L3MBTL4: variants seen among roughly 807,000 people sequenced by gnomAD.
L3MBTL4 encodes lethal(3)malignant brain tumor-like protein 4.
Under a neutral mutation model 84.5 loss-of-function variants are expected in L3MBTL4, and 70 were observed. That is an observed-to-expected ratio of 0.83 (90% CI 0.68 to 1.01). L3MBTL4 has a LOEUF of 1.01. L3MBTL4 is among the 50% of genes least tolerant of loss of function. L3MBTL4 has a pLI of 0.00. For missense variants in L3MBTL4, 715 were observed against 754.8 expected (o/e 0.95, Z 0.62); for synonymous variants, 274 against 259.8 (o/e 1.05, Z -0.52).
At chr18:5,987,192 G>T (rs1358378807) in intron 16 of L3MBTL4, among the ~76,000 whole-genome samples, 1 of 152,160 alleles carries the variant, frequency 6.6e-6, no homozygotes, top group Non-Finnish European at 1.5e-5. Flanking sequence ...CCCCCATTTT[G>T]TTCCCTTCTT....
At position 6,364,057 on chromosome 18, in the gene L3MBTL4, C is replaced by G. The variant is rs187571250; in HGVS notation, c.-91+50744G>C. Among the ~76,000 whole-genome samples the G allele has an allele frequency of 2.3e-3, 343 of 152,280 alleles. 5 individuals are homozygous for G. The highest frequency in any genetic ancestry group is 7.8e-3 in the African/African-American group (324 of 41,560). ...ATTTTTAAGGGGTCCTCGACATCCT[C>G]TCTTTTTGGTCCTTGTATCTACGCG... On this transcript the variant is annotated intron_variant, in intron 1 of 18. Transcript: ENST00000317931.
chr18:6,135,158 T>C (rs2059994206), intron 14 of L3MBTL4, among the ~76,000 whole-genome samples: 1 of 152,172 alleles, frequency 6.6e-6, no homozygotes, highest in African/African-American at 2.4e-5. Context: ...TGTTGGCCCC[T>C]TTCAGCCACA....
chr18:6,211,973 T>C (rs1267326539), intron 12 of L3MBTL4, among the ~76,000 whole-genome samples: 2 of 152,144 alleles, frequency 1.3e-5, no homozygotes, highest in African/African-American at 4.8e-5. Flanking sequence ...AAGTTAATAA[T>C]AAAATGTCAC....
chr18:6,071,753 GAAAGAA>G (rs2057632821), intron 16 of L3MBTL4, among the ~76,000 whole-genome samples: 1 of 61,778 alleles, frequency 1.6e-5, no homozygotes, highest in Non-Finnish European at 3.8e-5. Flanking sequence ...AGGAAAGAAA[GAAAGAA>G]AAAAAGAAAG....
At chr18:5,969,274 C>T (rs1408192590) in intron 17 of L3MBTL4, 119 bp downstream of exon 17, 22 of 1,087,104 alleles carry the variant, frequency 2.0e-5, no homozygotes, top group Admixed American at 9.6e-5. Context: ...ATGGCAGATG[C>T]GATGCCTAAG....
At position 6,264,070 on chromosome 18, in the gene L3MBTL4, A is replaced by T. The variant is rs1445391275; in HGVS notation, c.128-32T>A. On this transcript the variant is annotated intron_variant, in intron 4 of 18. Coordinates refer to ENST00000317931, the MANE Select transcript of L3MBTL4 (RefSeq NM_001330559.2). The stretch of plus-strand genomic sequence containing the variant: ...GAGAAAACACAATGACTTTTCTCAA[A>T]ATGATTAGTGACAGGAAAATAATAA... The T allele has an allele frequency of 4.2e-6, 6 of 1,443,090 alleles. No individual in the cohort carries two copies. The Middle Eastern group carries it at 5.3e-4, about 126-fold the overall frequency. The allele number at this position is 1,443,090 out of a possible 1,614,324, so 89.4% of individuals were successfully genotyped here.
chr18:5,959,862 C>T (rs574776733), intron 18 of L3MBTL4, among the ~76,000 whole-genome samples: 6 of 151,982 alleles, frequency 3.9e-5, no homozygotes, highest in Admixed American at 2.0e-4. Flanking sequence ...GGACTGAAGG[C>T]GGAGACTGAC....
intron 12 of L3MBTL4, among the ~76,000 whole-genome samples, chr18:6,182,635 A>T (rs1039311329): frequency 7.9e-5 from 12 of 152,250 alleles, no homozygotes; most frequent in Non-Finnish European, 1.3e-4. Flanking sequence ...ACGGAATAGT[A>T]TTTCCTAGGT....
chr18:6,104,179 T>G (rs1055517563), intron 14 of L3MBTL4, among the ~76,000 whole-genome samples: 1 of 152,014 alleles, frequency 6.6e-6, no homozygotes, highest in African/African-American at 2.4e-5. Context: ...TAGAGGTTCC[T>G]AAAAAAATTA....
At chr18:6,238,065 C>T (rs369500217) in intron 9 of L3MBTL4, 25 bp from the exon 10 acceptor site, 39 of 1,601,402 alleles carry the variant, frequency 2.4e-5, no homozygotes, top group South Asian at 2.2e-4. Flanking sequence ...CTCTATATTA[C>T]GTTCCGTTTT....
At chr18:5,972,990 A>G (rs2052732174) in intron 16 of L3MBTL4, among the ~76,000 whole-genome samples, 1 of 152,056 alleles carries the variant, frequency 6.6e-6, no homozygotes, top group Admixed American at 6.6e-5. Flanking sequence ...AGTAAGAGCA[A>G]AACTTATACC....
intron 13 of L3MBTL4, among the ~76,000 whole-genome samples, chr18:6,149,624 A>C (rs2042805329): frequency 6.6e-6 from 1 of 152,140 alleles, no homozygotes; most frequent in Non-Finnish European, 1.5e-5. Flanking sequence ...GAATCGCCAC[A>C]CTGACTTCCA....
chr18:6,298,814 C>A (rs1017042758), intron 4 of L3MBTL4, among the ~76,000 whole-genome samples: 2 of 152,060 alleles, frequency 1.3e-5, no homozygotes, highest in African/African-American at 4.8e-5. Flanking sequence ...GCGGAGGTTG[C>A]AGTGAGCCAA....
chr18:6,016,105 G>A (rs1322139727), intron 16 of L3MBTL4, among the ~76,000 whole-genome samples: 1 of 152,222 alleles, frequency 6.6e-6, no homozygotes, highest in Non-Finnish European at 1.5e-5. Context: ...CAGAGCAAGG[G>A]AAATACTCCA....
At chr18:6,313,303 T>C (rs1199138866) in intron 1 of L3MBTL4, among the ~76,000 whole-genome samples, 1 of 152,242 alleles carries the variant, frequency 6.6e-6, no homozygotes, top group Non-Finnish European at 1.5e-5. Context: ...CCAGTGAATA[T>C]TAGTTCTCGA....
chr18:6,078,648 C>T (rs1027670269), intron 16 of L3MBTL4, among the ~76,000 whole-genome samples: 2 of 152,096 alleles, frequency 1.3e-5, no homozygotes, highest in Admixed American at 6.6e-5. Flanking sequence ...CAAAGTACAG[C>T]GGTCCCCAAC....
intron 14 of L3MBTL4, among the ~76,000 whole-genome samples, chr18:6,122,564 T>C (rs528183762): frequency 1.1e-4 from 17 of 152,358 alleles, no homozygotes; most frequent in East Asian, 5.8e-4. Context: ...TGACTTGCTC[T>C]TCCTTGCCTT....
At chr18:6,131,302 C>T (rs566710813) in intron 14 of L3MBTL4, among the ~76,000 whole-genome samples, 2 of 152,290 alleles carry the variant, frequency 1.3e-5, no homozygotes, top group South Asian at 2.1e-4. Flanking sequence ...TACATTTTCA[C>T]GCTTTCCCCA....
intron 13 of L3MBTL4, among the ~76,000 whole-genome samples, chr18:6,163,847 G>A (rs1190252862): frequency 6.6e-6 from 1 of 152,178 alleles, no homozygotes; most frequent in Non-Finnish European, 1.5e-5. Context: ...GACAGTGGGT[G>A]CAGTGCACTG....
Sources: gnomAD v4.1 joint callset for allele counts (sites outside exome capture counted in the v4.1 genomes callset) on GRCh38, gnomAD v4.1.1 for gene constraint, MANE v1.5 for transcripts, NCBI Gene and HGNC (gene_info 2026-07-23, HGNC 2026-07-21) for gene names.